The following PCDHA2 variants were observed in gnomAD, a reference collection of about 807,000 sequenced individuals.
PCDHA2 encodes the protein protocadherin alpha-2.
In PCDHA2, 58 loss-of-function variants were observed where a neutral mutation model predicts 66.0. That is an observed-to-expected ratio of 0.88 (90% CI 0.71 to 1.09). The LOEUF is 1.09. PCDHA2 is among the 50% of genes least tolerant of loss of function. The pLI is 0.00. For synonymous variants in PCDHA2, 634 were observed against 554.0 expected (o/e 1.14, Z -2.03); for missense variants, 1,267 against 1,242.3 (o/e 1.02, Z -0.30).
chr5:140,809,464 C>A, intron 1 of PCDHA2: 1 of 1,614,248 alleles, frequency 6.2e-7, no homozygotes, highest in Non-Finnish European at 8.5e-7. Flanking sequence ...CGAGGGTGTG[C>A]TCTGGTGAGG....
At chr5:140,900,130 C>T (rs1156261230) in intron 1 of PCDHA2, among the ~76,000 whole-genome samples, 1 of 152,084 alleles carries the variant, frequency 6.6e-6, no homozygotes, top group East Asian at 1.9e-4. Flanking sequence ...TTTTAGGTAC[C>T]ACAAATAAGT....
In PCDHA2 at chr5:140,999,156, C is replaced by T. The variant is rs533302480; in HGVS notation, c.2537-10471C>T. On this transcript the variant is annotated intron_variant, in intron 3 of 3. Transcript: ENST00000526136. ...GTCACAGCCGGAAGTCTTCAGTCCCCTAGAAGGAAAAGAGCCTGATGGGGA... is the reference window on the plus strand; with the variant it reads ...GTCACAGCCGGAAGTCTTCAGTCCCTTAGAAGGAAAAGAGCCTGATGGGGA... 4.6e-5 allele frequency among the ~76,000 whole-genome samples: 7 copies of T among 152,280 alleles called. No individual in the cohort carries two copies. In the East Asian group the frequency reaches 1.4e-3, roughly 29 times the overall value.
At position 140,795,804 on chromosome 5, in the gene PCDHA2, A is replaced by G. The variant is rs781883265; in HGVS notation, c.840A>G (p.Ser280=). The G allele has an allele frequency of 6.2e-7, 1 of 1,613,596 alleles. No individual in the cohort carries two copies. Among genetic ancestry groups the G allele is most frequent in the South Asian group, 1.1e-5 (1 of 91,066 alleles). The change falls in exon 1 of 4, where the codon TCA becomes TCG. Residue 280 remains serine, a synonymous_variant. Coordinates refer to ENST00000526136, the MANE Select transcript of PCDHA2 (RefSeq NM_018905.3). ...GACCGAACAGCGAGATTGTGTATTC[A>G]CTCGGTAGTGATGTGTCCTCCACTA... The part of the protein sequence containing the change: ...DEGPNSEIVY[S]LGSDVSSTIQ...
chr5:140,887,349 G>A (rs1311370450), intron 1 of PCDHA2, among the ~76,000 whole-genome samples: 2 of 152,084 alleles, frequency 1.3e-5, no homozygotes, highest in Non-Finnish European at 2.9e-5. Flanking sequence ...ACCTGGCTCG[G>A]CCTCCCAAAG....
At position 140,822,901 on chromosome 5, in the gene PCDHA2, C is replaced by A. The variant is rs2150120199; in HGVS notation, c.2388+25549C>A. 3.1e-6 allele frequency: 5 copies of A among 1,614,234 alleles called. No homozygotes were observed. In the South Asian group the frequency reaches 3.3e-5, roughly 11 times the overall value. ...CATTGCTCTGATCAGCGTGTCTGAC[C>A]GTGACTCAGGTGCCAACGGGCAGGT... is the stretch of plus-strand genomic sequence containing the variant. On this transcript the variant is annotated intron_variant, in intron 1 of 3. Coordinates refer to ENST00000526136, the MANE Select transcript of PCDHA2 (RefSeq NM_018905.3).
chr5:140,887,247 C>T (rs1302931456), intron 1 of PCDHA2, among the ~76,000 whole-genome samples: 1 of 152,016 alleles, frequency 6.6e-6, no homozygotes, highest in Non-Finnish European at 1.5e-5. Context: ...CCGGCGCCCG[C>T]CACCACGCCC....
rs2041539059 is a variant in PCDHA2, at chr5:140,850,345, G to A, written c.2388+52993G>A. On this transcript the variant is annotated intron_variant, in intron 1 of 3. Transcript: ENST00000526136. ...TACGAGCTGCAGCCAGAAACGGCCA[G>A]CGCGAGCATCCCGTTCCGCGTGGGG... 5.0e-6 allele frequency: 8 copies of A among 1,597,746 alleles called. 1 individual carries two copies. Among genetic ancestry groups the A allele is most frequent in the Non-Finnish European group, 6.9e-6 (8 of 1,167,738 alleles).
At chr5:140,802,040 C>T (rs1034160662) in intron 1 of PCDHA2, 1 of 1,614,016 alleles carries the variant, frequency 6.2e-7, no homozygotes, top group Non-Finnish European at 8.5e-7. Flanking sequence ...CGTATTCTTT[C>T]AATACGGACA....
At position 140,843,305 on chromosome 5, in the gene PCDHA2, A is replaced by T. The variant is rs2150356964; in HGVS notation, c.2388+45953A>T. ...TCATGGTGAACCTGCGCTGACCGCCACGGCCACGGTTCTGGTGTCGCTGGT... is the reference window on the plus strand; with the variant it reads ...TCATGGTGAACCTGCGCTGACCGCCTCGGCCACGGTTCTGGTGTCGCTGGT... On this transcript the variant is annotated intron_variant, in intron 1 of 3. Coordinates refer to ENST00000526136, the MANE Select transcript of PCDHA2 (RefSeq NM_018905.3). 1.9e-6 allele frequency: 3 copies of T among 1,595,938 alleles called. No homozygotes were observed. In the East Asian group the frequency reaches 6.7e-5, roughly 36 times the overall value.
Position 140,822,183 on chromosome 5 carries a change from A to G in PCDHA2, c.2388+24831A>G, listed in dbSNP as rs150835917. The G allele has an allele frequency of 1.6e-4, 258 of 1,614,250 alleles. 1 individual carries two copies. The African/African-American group carries it at 3.0e-3, about 19-fold the overall frequency. ...ATCCGCCCAGGTTCTCCAGACAAGA[A>G]CAAAGATTATTCATTTTAGAGTCAA... On this transcript the variant is annotated intron_variant, in intron 1 of 3. Coordinates refer to ENST00000526136, the MANE Select transcript of PCDHA2 (RefSeq NM_018905.3).
rs147219331 is a variant in PCDHA2, at chr5:140,927,900, T to C, written c.2389-51049T>C. On this transcript the variant is annotated intron_variant, in intron 1 of 3. Transcript: ENST00000526136. Reference sequence around the variant, plus strand: ...TGGAGGTGACTGACGTGAACGATCATGCCCCCGAACTGGACTTCCTGACTC... The same window carrying C: ...TGGAGGTGACTGACGTGAACGATCACGCCCCCGAACTGGACTTCCTGACTC... 2,142 of 1,614,232 alleles carry C rather than the reference T, an allele frequency of 1.3e-3. 2 individuals are homozygous for C. The highest frequency in any genetic ancestry group is 1.7e-3 in the Non-Finnish European group (2,053 of 1,180,040).
chr5:140,946,457 C>T (rs1480427132), intron 1 of PCDHA2, among the ~76,000 whole-genome samples: 2 of 151,612 alleles, frequency 1.3e-5, no homozygotes, highest in Non-Finnish European at 3.0e-5. Flanking sequence ...AACTATCCAG[C>T]AATCCCACTA....
At chr5:140,814,223 T>G (rs184891993) in intron 1 of PCDHA2, 76 of 152,744 alleles carry the variant, frequency 5.0e-4, no homozygotes, top group East Asian at 7.7e-4. Context: ...AGTGTTTTTT[T>G]TTGTTGTTGT....
At chr5:140,816,902 C>T (rs2126676143) in intron 1 of PCDHA2, 2 of 152,180 alleles carry the variant, frequency 1.3e-5, no homozygotes, top group African/African-American at 4.8e-5. Flanking sequence ...TTCTGAGAAG[C>T]CCTCAGTTAT....
intron 1 of PCDHA2, chr5:140,853,147 G>C (rs1171856097): frequency 1.2e-6 from 1 of 825,412 alleles, no homozygotes; most frequent in Admixed American, 6.4e-5. Context: ...CCAAAATGCT[G>C]GGATTACAGG....
At chr5:140,850,316 T>A (rs2150479207) in intron 1 of PCDHA2, 1 of 1,597,026 alleles carries the variant, frequency 6.3e-7, no homozygotes, top group African/African-American at 1.3e-5. Flanking sequence ...ACGCGTGGCT[T>A]TCATACGAGC....
chr5:140,952,923 C>CAGGA (rs1455819119), intron 1 of PCDHA2, among the ~76,000 whole-genome samples: 1 of 151,990 alleles, frequency 6.6e-6, no homozygotes, highest in Non-Finnish European at 1.5e-5. Flanking sequence ...ATGGCATGAG[C>CAGGA]AGGAGCAGGA....
chr5:140,852,930 G>C (rs1581296305), intron 1 of PCDHA2: 3 of 621,568 alleles, frequency 4.8e-6, no homozygotes, highest in Admixed American at 1.3e-4. Context: ...CCAGGCTGGA[G>C]TGCAGTGGTG....
intron 3 of PCDHA2, among the ~76,000 whole-genome samples, chr5:141,003,222 G>A (rs1221950770): frequency 2.6e-5 from 4 of 152,224 alleles, no homozygotes; most frequent in Non-Finnish European, 4.4e-5. Flanking sequence ...CATGAAAGAG[G>A]AAAGCTGGAA....
Sources: gnomAD v4.1 joint callset for allele counts (sites outside exome capture counted in the v4.1 genomes callset) on GRCh38, gnomAD v4.1.1 for gene constraint, MANE v1.5 for transcripts, NCBI Gene and HGNC (gene_info 2026-07-23, HGNC 2026-07-21) for gene names.